JAZF1: variants seen among roughly 807,000 people sequenced by gnomAD.
JAZF1 encodes the protein juxtaposed with another zinc finger protein 1.
Under a neutral mutation model 26.4 loss-of-function variants are expected in JAZF1, and 8 were observed. The observed-to-expected ratio is 0.30, with a 90% confidence interval of 0.18 to 0.55. JAZF1 has a LOEUF of 0.55. Among genes scored for constraint, JAZF1 ranks in the 20% least tolerant of loss-of-function variants. The pLI is 0.94. For synonymous variants in JAZF1, 126 were observed against 122.3 expected, an observed-to-expected ratio of 1.03 and a Z score of -0.20; for missense variants, 199 against 322.0, an observed-to-expected ratio of 0.62 and a Z score of 2.92.
intron 2 of JAZF1, among the ~76,000 whole-genome samples, chr7:27,918,779 T>G (rs898256118): frequency 2.6e-5 from 4 of 151,940 alleles, no homozygotes; most frequent in Non-Finnish European, 4.4e-5. Flanking sequence ...GTTCACTCCC[T>G]CTTTCCAAAA....
chr7:27,847,673 T>C (rs1783055808), intron 3 of JAZF1, among the ~76,000 whole-genome samples: 1 of 152,206 alleles, frequency 6.6e-6, no homozygotes, highest in Non-Finnish European at 1.5e-5. Flanking sequence ...CTTTGCTTTA[T>C]AATTTTTATT....
At chr7:28,117,532 T>G (rs1172043440) in intron 1 of JAZF1, among the ~76,000 whole-genome samples, 4 of 152,200 alleles carry the variant, frequency 2.6e-5, no homozygotes, top group Non-Finnish European at 4.4e-5. Context: ...GGAGTTTATC[T>G]GAATGGTATG....
chr7:28,122,160 C>T lies in JAZF1; in HGVS notation c.115+58303G>A, dbSNP rs17156421. Among the ~76,000 whole-genome samples, 1,217 of 152,248 alleles carry T rather than the reference C, an allele frequency of 8.0e-3. 18 individuals are homozygous for T. Among genetic ancestry groups the T allele is most frequent in the African/African-American group, 0.027 (1,102 of 41,548 alleles). ...TAAATCTTCTATCTGATTTTAGTTT[C>T]TTGGGGGAAAGAAGTAAGAATTCAT... is the stretch of plus-strand genomic sequence containing the variant. On this transcript the variant is annotated intron_variant, in intron 1 of 4. Transcript: ENST00000283928.
At chr7:27,940,712 G>A (rs1044811935) in intron 2 of JAZF1, among the ~76,000 whole-genome samples, 3 of 152,150 alleles carry the variant, frequency 2.0e-5, no homozygotes, top group Admixed American at 6.5e-5. Flanking sequence ...TTACACCAGC[G>A]CAGCAGCCCT....
intron 2 of JAZF1, among the ~76,000 whole-genome samples, chr7:27,944,124 C>G (rs1012746015): frequency 6.6e-6 from 1 of 152,168 alleles, no homozygotes; most frequent in Non-Finnish European, 1.5e-5. Context: ...TGTGCAGAGC[C>G]CAGTGGTCTG....
At chr7:28,033,403 A>G (rs1195670800) in intron 1 of JAZF1, among the ~76,000 whole-genome samples, 2 of 151,874 alleles carry the variant, frequency 1.3e-5, no homozygotes, top group African/African-American at 4.8e-5. Context: ...GAAATGAGAC[A>G]CTCCAGGACC....
At chr7:28,152,340 G>A (rs1419601186) in intron 1 of JAZF1, among the ~76,000 whole-genome samples, 1 of 152,118 alleles carries the variant, frequency 6.6e-6, no homozygotes, top group Non-Finnish European at 1.5e-5. Flanking sequence ...TCCTGTATTT[G>A]GAATAAATCA....
At chr7:28,034,096 A>G (rs1189273529) in intron 1 of JAZF1, among the ~76,000 whole-genome samples, 1 of 152,098 alleles carries the variant, frequency 6.6e-6, no homozygotes, top group Non-Finnish European at 1.5e-5. Flanking sequence ...AGAAATACCA[A>G]TACCTCTCTA....
chr7:28,106,230 C>T (rs150196787), intron 1 of JAZF1, among the ~76,000 whole-genome samples: 4 of 152,230 alleles, frequency 2.6e-5, no homozygotes, highest in East Asian at 3.9e-4. Flanking sequence ...TTTTTCCTTC[C>T]GAAGAGCAAT....
At chr7:27,991,599 C>T (rs1211667139) in intron 2 of JAZF1, among the ~76,000 whole-genome samples, 1 of 152,104 alleles carries the variant, frequency 6.6e-6, no homozygotes, top group Non-Finnish European at 1.5e-5. Context: ...AAGGTTCACT[C>T]GAACATAAAT....
chr7:27,859,576 G>C (rs1419854372), intron 3 of JAZF1, among the ~76,000 whole-genome samples: 2 of 152,176 alleles, frequency 1.3e-5, no homozygotes, highest in Non-Finnish European at 2.9e-5. Context: ...GCAGGGACAT[G>C]GATAAAGCCA....
At chr7:27,990,319 G>A (rs1785874773) in intron 2 of JAZF1, among the ~76,000 whole-genome samples, 1 of 151,972 alleles carries the variant, frequency 6.6e-6, no homozygotes. Context: ...AGCATTAGGA[G>A]ATACACCTAA....
intron 2 of JAZF1, among the ~76,000 whole-genome samples, chr7:27,923,318 CGAGTTTCCA>C (rs1436737927): frequency 1.3e-5 from 2 of 152,160 alleles, no homozygotes; most frequent in African/African-American, 4.8e-5. Flanking sequence ...ATTAAAACGT[CGAGTTTCCA>C]GATTTGTTGA....
rs572809586 is a variant in JAZF1, at chr7:27,900,552, T to G, written c.189-5136A>C. Among the ~76,000 whole-genome samples, 31 of 152,318 alleles carry G rather than the reference T, an allele frequency of 2.0e-4. No homozygotes were observed. The South Asian group carries it at 3.5e-3, about 17-fold the overall frequency. Reference sequence around the variant, plus strand: ...TGGCAATAACACAAATTGAGACTTTTTTCCTCCCCAAGTCAGTTCAACATT... The same window carrying G: ...TGGCAATAACACAAATTGAGACTTTGTTCCTCCCCAAGTCAGTTCAACATT... On this transcript the variant is annotated intron_variant, in intron 2 of 4. Coordinates refer to ENST00000283928, the MANE Select transcript of JAZF1 (RefSeq NM_175061.4).
At chr7:28,165,371 G>C (rs974253033) in intron 1 of JAZF1, among the ~76,000 whole-genome samples, 1 of 152,164 alleles carries the variant, frequency 6.6e-6, no homozygotes, top group Non-Finnish European at 1.5e-5. Context: ...TAGAGTGCCA[G>C]TTAGGGCTTC....
At chr7:28,081,589 A>T (rs777015778) in intron 1 of JAZF1, among the ~76,000 whole-genome samples, 5 of 152,194 alleles carry the variant, frequency 3.3e-5, no homozygotes, top group Non-Finnish European at 5.9e-5. Flanking sequence ...CAAGCTGGTG[A>T]GCCTGGGGCA....
intron 2 of JAZF1, among the ~76,000 whole-genome samples, chr7:27,897,744 T>G (rs1200727857): frequency 6.6e-6 from 1 of 152,172 alleles, no homozygotes; most frequent in Non-Finnish European, 1.5e-5. Flanking sequence ...CTATGGGGCG[T>G]GAGGCTCTTC....
rs988028114 is a variant in JAZF1, at chr7:27,999,676, A to T, written c.116-7695T>A. On this transcript the variant is annotated intron_variant, in intron 1 of 4. Transcript: ENST00000283928. The stretch of plus-strand genomic sequence containing the variant: ...AAATGGAAGCTCCTTAAGGAACCAG[A>T]TCTTAGAGGCCACAAATCCTAAGCC... 2.0e-5 allele frequency among the ~76,000 whole-genome samples: 3 copies of T among 152,136 alleles called. No homozygotes were observed. In the East Asian group the frequency reaches 5.8e-4, roughly 29 times the overall value.
intron 1 of JAZF1, among the ~76,000 whole-genome samples, chr7:28,132,967 T>C (rs917115): frequency 0.41 from 62,318 of 151,984 alleles, 17,137 homozygotes; most frequent in East Asian, 0.97. Flanking sequence ...AGAATTTGTG[T>C]ATGGAAGAAA....
Sources: gnomAD v4.1 joint callset for allele counts (sites outside exome capture counted in the v4.1 genomes callset) on GRCh38, gnomAD v4.1.1 for gene constraint, MANE v1.5 for transcripts, NCBI Gene and HGNC (gene_info 2026-07-23, HGNC 2026-07-21) for gene names.